Variants in ADGRE2 observed in about 807,000 individuals in gnomAD.
ADGRE2 encodes the protein CD97 antigen.
In ADGRE2, 83 loss-of-function variants were observed where a neutral mutation model predicts 100.8. The observed-to-expected ratio is 0.82, with a 90% CI of 0.69 to 0.99. The LOEUF is 0.99. ADGRE2 is among the 50% of genes least tolerant of loss of function. The pLI, the probability that ADGRE2 is intolerant of heterozygous loss-of-function variation, is 0.00. For synonymous variants in ADGRE2, 355 were observed against 413.0 expected (o/e 0.86, Z 1.70); for missense variants, 814 against 1,035.7 (o/e 0.79, Z 2.94).
chr19:14,770,669 C>CTTTTTTTTTTTTT (rs775214778), intron 5 of ADGRE2, among the ~76,000 whole-genome samples: 3 of 85,010 alleles, frequency 3.5e-5, no homozygotes, highest in African/African-American at 9.3e-5. Flanking sequence ...TCTTTCTTTT[C>CTTTTTTTTTTTTT]TTTTTTTTTT....
intron 16 of ADGRE2, 31 bp from the exon 17 acceptor site, chr19:14,746,993 C>T (rs963157150): frequency 5.7e-6 from 9 of 1,576,592 alleles, no homozygotes; most frequent in Non-Finnish European, 7.8e-6. Context: ...AAAAATGCAT[C>T]AGTTTTTGGA....
rs143659792 is a variant in ADGRE2 at position 14,751,650 on chromosome 19, C to T, written c.1810G>A (p.Gly604Ser). 57 of 1,613,918 alleles carry T rather than the reference C, an allele frequency of 3.5e-5. No homozygotes were observed. The African/African-American group carries it at 4.7e-4, about 13-fold the overall frequency. Residue 604 changes from glycine to serine, a missense_variant, in exon 16 of 21, where the codon GGT (glycine) becomes AGT (serine). By Grantham distance (56) the Gly-to-Ser change is moderately conservative. Coordinates refer to ENST00000315576, the MANE Select transcript of ADGRE2 (RefSeq NM_013447.4). ...GHKVLCSIIA[G>S]TLHYLYLATL... ...GCCAGGTAGAGATAGTGCAAGGTAC[C>T]GGCGATGATGGAGCACAGCACCTGG...
At chr19:14,758,884 CA>C (rs77345554) in intron 11 of ADGRE2, among the ~76,000 whole-genome samples, 53 of 110,402 alleles carry the variant, frequency 4.8e-4, no homozygotes, top group Admixed American at 5.6e-4. Flanking sequence ...GACTCCGTCT[CA>C]AAAAAAAAAA....
rs376866176 is a variant in ADGRE2 at position 14,766,959 on chromosome 19, G to A, written c.487+19C>T. On this transcript the variant is annotated intron_variant, in intron 6 of 20. Coordinates refer to ENST00000315576, the MANE Select transcript of ADGRE2 (RefSeq NM_013447.4). The stretch of plus-strand genomic sequence containing the variant: ...CCCAGCTCCCGTCCAGCCTCACAGC[G>A]TCTTCCTGGGGCCTCTACCTGTGCA... 1.2e-4 allele frequency: 186 copies of A among 1,533,424 alleles called. 2 individuals carry two copies. Among genetic ancestry groups the A allele is most frequent in the East Asian group, 1.7e-4 (7 of 41,498 alleles). The allele number at this position is 1,533,424 out of a possible 1,614,324, so 95.0% of individuals were successfully genotyped here.
chr19:14,748,078 T>A (rs8108387), intron 16 of ADGRE2, among the ~76,000 whole-genome samples: 58,110 of 151,762 alleles, frequency 0.38, 12,702 homozygotes, highest in African/African-American at 0.59. Flanking sequence ...TTCGTCACCC[T>A]GGTCATCAGC....
downstream of ADGRE2, among the ~76,000 whole-genome samples, chr19:14,729,223 T>A (rs1235502331): frequency 6.6e-6 from 1 of 152,186 alleles, no homozygotes; most frequent in Non-Finnish European, 1.5e-5. Context: ...TCAGGGTTTC[T>A]CAACTGTGAC....
intron 11 of ADGRE2, among the ~76,000 whole-genome samples, chr19:14,760,406 G>A (rs1326801403): frequency 6.6e-6 from 1 of 152,130 alleles, no homozygotes; most frequent in Non-Finnish European, 1.5e-5. Flanking sequence ...GGTGTGGAGA[G>A]GATAACCCGT....
At chr19:14,756,690 A>G (rs773522827) in intron 11 of ADGRE2, among the ~76,000 whole-genome samples, 2 of 152,344 alleles carry the variant, frequency 1.3e-5, no homozygotes, top group South Asian at 4.1e-4. Context: ...AAGAATGAAC[A>G]TGAATCTTTT....
At chr19:14,726,697 A>G in the ADGRE2 span, among the ~76,000 whole-genome samples, 1 of 152,148 alleles carries the variant, frequency 6.6e-6, no homozygotes, top group Non-Finnish European at 1.5e-5. Context: ...ACATAGACGC[A>G]ATGCTGCCAG....
At chr19:14,771,620 G>GCTTATTTA (rs1292730232) in intron 5 of ADGRE2, among the ~76,000 whole-genome samples, 5 of 62,266 alleles carry the variant, frequency 8.0e-5, no homozygotes, top group Admixed American at 6.7e-4. Context: ...GGCATCCATT[G>GCTTATTTA]CTTATTTATT....
chr19:14,730,635 AAAT>A (rs1481762779), downstream of ADGRE2, among the ~76,000 whole-genome samples: 1 of 152,172 alleles, frequency 6.6e-6, no homozygotes, highest in Non-Finnish European at 1.5e-5. Flanking sequence ...GGAACAACCC[AAAT>A]GTCTATCAAC....
At chr19:14,752,066 T>G (rs1030795354) in intron 15 of ADGRE2, among the ~76,000 whole-genome samples, 1 of 151,758 alleles carries the variant, frequency 6.6e-6, no homozygotes, top group Non-Finnish European at 1.5e-5. Flanking sequence ...CCTGAGTAAC[T>G]GGGATTACAG....
rs1386105320 is a variant in ADGRE2, at chr19:14,734,065, G to T, written c.*2171C>A. 6.6e-6 allele frequency: 1 copy of T among 152,194 alleles called. No individual in the cohort carries two copies. The highest frequency in any genetic ancestry group is 2.4e-5 in the African/African-American group (1 of 41,446). 9.4% of individuals were successfully genotyped at this position (152,194 alleles called of 1,614,324 possible). A position where few individuals can be genotyped will look rare whatever the true frequency, so the allele number is the denominator to read the frequency against. ...AATGTTTTGGTTCTTATAAAAAGGT[G>T]CCCAGAGGATGGAGATGGTAGGTAG... is the stretch of plus-strand genomic sequence containing the variant. On this transcript the variant is annotated 3_prime_UTR_variant, in exon 21 of 21. Coordinates refer to ENST00000315576, the MANE Select transcript of ADGRE2 (RefSeq NM_013447.4).
intron 12 of ADGRE2, 45 bp from the exon 13 acceptor site, chr19:14,755,922 C>G (rs377386177): frequency 1.3e-6 from 2 of 1,538,358 alleles, no homozygotes; most frequent in Non-Finnish European, 1.8e-6. Flanking sequence ...GGTTGAATCT[C>G]TGGGTCCACA....
At chr19:14,752,212 C>T in intron 15 of ADGRE2, 117 bp downstream of exon 15, 2 of 1,303,412 alleles carry the variant, frequency 1.5e-6, no homozygotes, top group Non-Finnish European at 2.1e-6. Context: ...GGATTACAGG[C>T]ATGAGCCACC....
rs2042689486 is a variant in ADGRE2, at chr19:14,732,999, C to T, written c.*3237G>A. The T allele has an allele frequency of 6.6e-6, 1 of 152,214 alleles. No homozygotes were observed. Among genetic ancestry groups the T allele is most frequent in the Non-Finnish European group, 1.5e-5 (1 of 68,042 alleles). 9.4% of individuals were successfully genotyped at this position (152,214 alleles called of 1,614,324 possible). A position where few individuals can be genotyped will look rare whatever the true frequency, so the allele number is the denominator to read the frequency against. On this transcript the variant is annotated 3_prime_UTR_variant, in exon 21 of 21. Transcript: ENST00000315576. Reference sequence around the variant, plus strand: ...TCTATGGGGATATGGGCTCTACACTCATAGGGACCCACATGTTCCAAGCCT... The same window carrying T: ...TCTATGGGGATATGGGCTCTACACTTATAGGGACCCACATGTTCCAAGCCT...
rs890152505 is a variant in ADGRE2 at position 14,764,475 on chromosome 19, G to A, written c.1042C>T (p.Leu348Phe). 42 of 1,613,112 alleles carry A rather than the reference G, an allele frequency of 2.6e-5. No homozygotes were observed. The highest frequency in any genetic ancestry group is 3.3e-5 in the Non-Finnish European group (39 of 1,180,012). ...CTGAAGTTCAACAGCCCATTGGAAAGGTTCTTGCTCAGGCCTCTGAGGACA... is the reference window on the plus strand; with the variant it reads ...CTGAAGTTCAACAGCCCATTGGAAAAGTTCTTGCTCAGGCCTCTGAGGACA... ...EDVLRGLSKN[L>F]SNGLLNFSYP... Residue 348 changes from leucine to phenylalanine, a missense_variant, in exon 11 of 21, where the codon CTT (leucine) becomes TTT (phenylalanine). This residue lies in a region of ADGRE2 where 569 missense variants were observed against 692.7 expected (regional missense o/e 0.82). Coordinates refer to ENST00000315576, the MANE Select transcript of ADGRE2 (RefSeq NM_013447.4).
intron 5 of ADGRE2, among the ~76,000 whole-genome samples, chr19:14,771,711 G>A (rs546661568): frequency 1.2e-4 from 18 of 151,734 alleles, no homozygotes; most frequent in African/African-American, 4.1e-4. Flanking sequence ...CACGATCTCC[G>A]CTCACTGAAA....
rs377630410 is a variant in ADGRE2 at position 14,767,141 on chromosome 19, C to T, written c.356-32G>A. ...GAGGAAGGAGAGGGTGAAGAATGCC[C>T]GTAGCTGTGAGCAGCTTTCGGGGCT... On this transcript the variant is annotated intron_variant, in intron 5 of 20. Transcript: ENST00000315576. 72 of 1,603,034 alleles carry T rather than the reference C, an allele frequency of 4.5e-5. No homozygotes were observed. In the African/African-American group the frequency reaches 6.2e-4, roughly 14 times the overall value.
Sources: allele counts gnomAD v4.1 joint callset (sites outside exome capture counted in the v4.1 genomes callset), GRCh38; gene constraint gnomAD v4.1.1; regional missense constraint gnomAD v4.1.1; transcripts MANE v1.5; gene names NCBI Gene and HGNC (gene_info 2026-07-23, HGNC 2026-07-21).